ROBO2: variants seen among roughly 807,000 people sequenced by gnomAD.
ROBO2 encodes roundabout guidance receptor 2.
A neutral mutation model predicts 160.8 loss-of-function variants in ROBO2; 53 were observed. The ratio of observed to expected loss-of-function variants is 0.33; its 90% confidence interval spans 0.26 to 0.41. The LOEUF is 0.41. Ranked by LOEUF, ROBO2 falls within the 10% of genes least tolerant of loss-of-function variation. ROBO2 has a pLI of 1.00. For missense variants in ROBO2, 1,577 were observed against 1,722.4 expected (o/e 0.92, Z 1.49); for synonymous variants, 664 against 611.7 (o/e 1.09, Z -1.26).
At chr3:77,419,508 G>C (rs765641946) in intron 2 of ROBO2, among the ~76,000 whole-genome samples, 2 of 152,110 alleles carry the variant, frequency 1.3e-5, no homozygotes, top group Non-Finnish European at 2.9e-5. Context: ...TGGCACATGA[G>C]CATAAATATG....
intron 2 of ROBO2, among the ~76,000 whole-genome samples, chr3:76,281,134 A>G (rs1023842646): frequency 6.6e-6 from 1 of 151,868 alleles, no homozygotes. Flanking sequence ...CTGCATGCCC[A>G]TCTGTAGAGA....
intron 2 of ROBO2, among the ~76,000 whole-genome samples, chr3:76,485,477 C>T (rs867185935): frequency 2.6e-5 from 4 of 152,038 alleles, no homozygotes; most frequent in African/African-American, 7.2e-5. Flanking sequence ...CTGTGTGGCC[C>T]GGTTCCTAAC....
chr3:77,389,408 G>A (rs1299770445), intron 2 of ROBO2, among the ~76,000 whole-genome samples: 1 of 152,044 alleles, frequency 6.6e-6, no homozygotes, highest in East Asian at 1.9e-4. Flanking sequence ...AGCCCCATGC[G>A]GGCTTGTGGC....
chr3:76,618,892 A>C (rs2088818628), intron 2 of ROBO2, among the ~76,000 whole-genome samples: 2 of 151,782 alleles, frequency 1.3e-5, no homozygotes, highest in Admixed American at 6.6e-5. Context: ...CCACAAGAAA[A>C]ACTAAAGTGT....
intron 2 of ROBO2, among the ~76,000 whole-genome samples, chr3:76,797,415 A>G (rs2063783697): frequency 6.6e-6 from 1 of 152,106 alleles, no homozygotes; most frequent in African/African-American, 2.4e-5. Flanking sequence ...AACATACCAA[A>G]ACCTATGGCA....
rs565415422 is a variant in ROBO2, at chr3:76,160,817, C to CA, written c.109+223222dup. ...AAGTTAGCACAAGTTTATTTTGTAG[C>CA]AAAAAAACCCATGAAATACACAGAG... is the stretch of plus-strand genomic sequence containing the variant. On this transcript the variant is annotated intron_variant, in intron 2 of 26. Coordinates refer to the ROBO2 transcript ENST00000487694. Among the ~76,000 whole-genome samples the CA allele has an allele frequency of 5.3e-4, 80 of 152,040 alleles. 1 individual carries two copies. Among genetic ancestry groups the CA allele is most frequent in the African/African-American group, 2.9e-4 (12 of 41,476 alleles).
intron 2 of ROBO2, among the ~76,000 whole-genome samples, chr3:76,532,623 A>C (rs1248187346): frequency 1.3e-5 from 2 of 152,186 alleles, no homozygotes; most frequent in Non-Finnish European, 2.9e-5. Flanking sequence ...ATCTCAAATT[A>C]GGCAACCGTT....
chr3:76,564,866 CTT>C (rs946136428), intron 2 of ROBO2, among the ~76,000 whole-genome samples: 13 of 151,888 alleles, frequency 8.6e-5, no homozygotes, highest in Non-Finnish European at 1.9e-4. Flanking sequence ...GGGATTTTGT[CTT>C]TTACACACAT....
chr3:77,010,747 A>G (rs1370198960), intron 2 of ROBO2, among the ~76,000 whole-genome samples: 1 of 151,954 alleles, frequency 6.6e-6, no homozygotes, highest in Non-Finnish European at 1.5e-5. Context: ...TCCATGCCTC[A>G]GTCAGTCTCT....
intron 2 of ROBO2, among the ~76,000 whole-genome samples, chr3:76,031,410 G>A (rs1048918002): frequency 6.6e-6 from 1 of 152,178 alleles, no homozygotes; most frequent in African/African-American, 2.4e-5. Flanking sequence ...TTGAATAGGA[G>A]TGGTGAGAGA....
At chr3:76,981,238 G>C (rs2149327589) in intron 2 of ROBO2, among the ~76,000 whole-genome samples, 1 of 152,274 alleles carries the variant, frequency 6.6e-6, no homozygotes, top group South Asian at 2.1e-4. Flanking sequence ...GTAACTATAT[G>C]TTTTAATCTT....
chr3:76,040,624 T>A (rs1271803755), intron 2 of ROBO2, among the ~76,000 whole-genome samples: 1 of 152,088 alleles, frequency 6.6e-6, no homozygotes, highest in Non-Finnish European at 1.5e-5. Context: ...ATACTGTTTA[T>A]ATTAGTAAGA....
At chr3:76,396,112 AG>A (rs1464361306) in intron 2 of ROBO2, among the ~76,000 whole-genome samples, 2 of 152,212 alleles carry the variant, frequency 1.3e-5, no homozygotes, top group African/African-American at 4.8e-5. Flanking sequence ...CACATCAAAA[AG>A]CTCATCCACC....
chr3:76,477,623 T>A (rs775035513), intron 2 of ROBO2, among the ~76,000 whole-genome samples: 10 of 152,104 alleles, frequency 6.6e-5, no homozygotes, highest in Non-Finnish European at 1.2e-4. Context: ...TTTAAAAAAA[T>A]TTTAAAAGGT....
chr3:77,583,972 G>A (rs1378454407), intron 16 of ROBO2, among the ~76,000 whole-genome samples: 1 of 152,150 alleles, frequency 6.6e-6, no homozygotes, highest in African/African-American at 2.4e-5. Context: ...AGCCTCATAT[G>A]TTTATCTGGT....
At chr3:77,618,161 C>T (rs549551675) in intron 22 of ROBO2, 6 of 260,910 alleles carry the variant, frequency 2.3e-5, no homozygotes, top group Admixed American at 5.1e-5. Context: ...TAATAAAAGA[C>T]TCCTTTTAGA....
intron 2 of ROBO2, among the ~76,000 whole-genome samples, chr3:77,330,601 A>G (rs538124534): frequency 6.6e-6 from 1 of 152,342 alleles, no homozygotes; most frequent in South Asian, 2.1e-4. Flanking sequence ...GGTGAAGTAA[A>G]GAAGCCTGTA....
At chr3:76,090,420 T>C (rs1322324574) in intron 2 of ROBO2, among the ~76,000 whole-genome samples, 1 of 152,038 alleles carries the variant, frequency 6.6e-6, no homozygotes, top group Non-Finnish European at 1.5e-5. Flanking sequence ...AGTGAGATCC[T>C]GTCAAAACAA....
chr3:77,410,313 T>C (rs1028731085), intron 2 of ROBO2, among the ~76,000 whole-genome samples: 4 of 152,166 alleles, frequency 2.6e-5, no homozygotes, highest in Non-Finnish European at 4.4e-5. Flanking sequence ...TATAAAAATA[T>C]TATTATTATT....
Sources: allele counts gnomAD v4.1 joint callset (sites outside exome capture counted in the v4.1 genomes callset), GRCh38; gene constraint gnomAD v4.1.1; transcripts MANE v1.5; gene names NCBI Gene and HGNC (gene_info 2026-07-23, HGNC 2026-07-21).